The following QPRT variants were observed in gnomAD, a reference collection of about 807,000 sequenced individuals.
The protein encoded by QPRT is quinolinate phosphoribosyltransferase, also known as nicotinate-nucleotide pyrophosphorylase [carboxylating].
Under a neutral mutation model 19.8 loss-of-function variants are expected in QPRT, and 17 were observed. That is an observed-to-expected ratio of 0.86 (90% CI 0.59 to 1.29). The LOEUF (loss-of-function observed/expected upper bound fraction) is 1.29, where lower values mean the gene tolerates loss of function less well. Ranked by LOEUF, QPRT falls within the 50% of genes most tolerant of loss-of-function variation. The pLI, the probability that QPRT is intolerant of heterozygous loss-of-function variation, is 0.00. For synonymous variants in QPRT, 178 were observed against 191.0 expected (o/e 0.93, Z 0.56); for missense variants, 336 against 405.1 (o/e 0.83, Z 1.46).
intron 1 of QPRT, among the ~76,000 whole-genome samples, chr16:29,691,809 G>A (rs2142307214): frequency 6.6e-6 from 1 of 152,310 alleles, no homozygotes; most frequent in Admixed American, 6.5e-5. Context: ...ATCTGGGGCA[G>A]ATGTGGGAGA....
At position 29,697,118 on chromosome 16, in the gene QPRT, C is replaced by T; in HGVS notation, c.672C>T (p.Phe224=). The change falls in exon 3 of 4, where the codon TTC becomes TTT. Residue 224 remains phenylalanine (F), a synonymous_variant. Transcript: ENST00000395384. The surrounding 1 kb of genome is among the most constrained non-coding windows in gnomAD (Gnocchi z 4.4). ...CCGACCTTGTCCTGCTGGACAACTT[C>T]AAGCCAGAGGTAAGGTGGGCTCTGC... ...AGADLVLLDN[F]KPEELHPTAT... 2 of 1,606,550 alleles carry T rather than the reference C, an allele frequency of 1.2e-6. No individual in the cohort carries two copies. Among genetic ancestry groups the T allele is most frequent in the South Asian group, 2.2e-5 (2 of 90,500 alleles).
At chr16:29,689,858 C>T (rs1456547518) in intron 1 of QPRT, among the ~76,000 whole-genome samples, 1 of 151,406 alleles carries the variant, frequency 6.6e-6, no homozygotes, top group Non-Finnish European at 1.5e-5. Context: ...CACGCGGACC[C>T]CCTTAGAGTT....
At chr16:29,683,948 CAT>C (rs1259820529) in intron 1 of QPRT, among the ~76,000 whole-genome samples, 7 of 152,190 alleles carry the variant, frequency 4.6e-5, no homozygotes. Context: ...GCCCCCGACA[CAT>C]GGCACAAAAA....
At chr16:29,685,820 C>T (rs1023161859) in intron 1 of QPRT, among the ~76,000 whole-genome samples, 4 of 151,950 alleles carry the variant, frequency 2.6e-5, no homozygotes, top group South Asian at 2.1e-4. Context: ...GGCAACATAG[C>T]GAGACCCCCC....
chr16:29,693,084 A>C (rs1340577906), intron 1 of QPRT, among the ~76,000 whole-genome samples: 1 of 151,786 alleles, frequency 6.6e-6, no homozygotes, highest in Non-Finnish European at 1.5e-5. Flanking sequence ...AAAAAATTAC[A>C]TCATAGAGAA....
chr16:29,692,248 C>CTTATTTATTTAT (rs113592039), intron 1 of QPRT, among the ~76,000 whole-genome samples: 1 of 151,012 alleles, frequency 6.6e-6, no homozygotes, highest in South Asian at 2.1e-4. Context: ...GTCCACTATC[C>CTTATTTATTTAT]TTATTTATTT....
At chr16:29,680,846 C>T (rs1432379236) in intron 1 of QPRT, among the ~76,000 whole-genome samples, 1 of 152,104 alleles carries the variant, frequency 6.6e-6, no homozygotes, top group Non-Finnish European at 1.5e-5. Flanking sequence ...GAGGCTGAGG[C>T]AGGAGAATTG....
intron 1 of QPRT, among the ~76,000 whole-genome samples, chr16:29,687,893 G>A (rs1179255355): frequency 1.3e-5 from 2 of 151,576 alleles, no homozygotes; most frequent in African/African-American, 4.9e-5. Context: ...GAGGTGAGAG[G>A]ACCACATGAG....
At chr16:29,691,988 A>T (rs1459748116) in intron 1 of QPRT, among the ~76,000 whole-genome samples, 1 of 152,154 alleles carries the variant, frequency 6.6e-6, no homozygotes, top group East Asian at 1.9e-4. Context: ...TCCACTTGGA[A>T]CAGAAGTGTG....
chr16:29,686,531 C>G (rs1363164877), intron 1 of QPRT, among the ~76,000 whole-genome samples: 1 of 152,228 alleles, frequency 6.6e-6, no homozygotes, highest in African/African-American at 2.4e-5. Context: ...CAGTCTTGCT[C>G]TGTCGCCCAG....
intron 1 of QPRT, among the ~76,000 whole-genome samples, chr16:29,684,833 T>C (rs1967115091): frequency 6.6e-6 from 1 of 152,226 alleles, no homozygotes; most frequent in South Asian, 2.1e-4. Context: ...ATTCAGCTTC[T>C]GTTCTTGTGA....
chr16:29,697,178 C>T lies in QPRT; in HGVS notation c.682-21C>T. On this transcript the variant is annotated intron_variant, in intron 3 of 3. Transcript: ENST00000395384. This position sits in a 1 kb window ranked among gnomAD's most constrained non-coding sequence, Gnocchi z 4.4. ...GGGATCTGTGGTGGGCTCTTACCTC[C>T]CCTTGGCTTGTGTCCCGCAGGAGCT... The T allele has an allele frequency of 6.2e-7, 1 of 1,601,110 alleles. No homozygotes were observed.
chr16:29,692,899 A>G (rs1967391894), intron 1 of QPRT, among the ~76,000 whole-genome samples: 1 of 151,978 alleles, frequency 6.6e-6, no homozygotes, highest in Non-Finnish European at 1.5e-5. Context: ...CGTCTATACT[A>G]AAAATACAAA....
At chr16:29,688,765 T>C (rs1967236205) in intron 1 of QPRT, among the ~76,000 whole-genome samples, 1 of 151,228 alleles carries the variant, frequency 6.6e-6, no homozygotes, top group Non-Finnish European at 1.5e-5. Flanking sequence ...GGCTAATTTT[T>C]TGTTTGTTTT....
At chr16:29,680,995 G>A (rs1420097637) in intron 1 of QPRT, among the ~76,000 whole-genome samples, 1 of 151,878 alleles carries the variant, frequency 6.6e-6, no homozygotes, top group African/African-American at 2.4e-5. Flanking sequence ...GGAGGACAGA[G>A]GATGGGAGGC....
chr16:29,680,531 C>T (rs1408370452), intron 1 of QPRT, among the ~76,000 whole-genome samples: 4 of 152,166 alleles, frequency 2.6e-5, no homozygotes, highest in Non-Finnish European at 5.9e-5. Context: ...CAGCACAAAC[C>T]CAGGGGTCCA....
intron 1 of QPRT, among the ~76,000 whole-genome samples, chr16:29,685,794 G>C (rs563249223): frequency 1.8e-4 from 28 of 152,048 alleles, no homozygotes; most frequent in Non-Finnish European, 3.4e-4. Flanking sequence ...GAGCCCAGGA[G>C]TTCAAGACCA....
rs1345198386 is a variant in QPRT, at chr16:29,694,577, G to T, written c.14-87G>T. On this transcript the variant is annotated intron_variant, in intron 1 of 3. Coordinates refer to ENST00000395384, the MANE Select transcript of QPRT (RefSeq NM_014298.6). Reference sequence around the variant, plus strand: ...CTTGAGGCTGATGGGCCAGTTCCCAGTTTCACTGGTTGTTAAATATTTTGA... The same window carrying T: ...CTTGAGGCTGATGGGCCAGTTCCCATTTTCACTGGTTGTTAAATATTTTGA... 6.6e-6 allele frequency: 9 copies of T among 1,364,906 alleles called. No individual in the cohort carries two copies. In the East Asian group the frequency reaches 1.3e-4, roughly 20 times the overall value. The allele number at this position is 1,364,906 out of a possible 1,614,324, so 84.5% of individuals were successfully genotyped here. A position where few individuals can be genotyped will look rare whatever the true frequency, so the allele number is the denominator to read the frequency against.
chr16:29,695,124 C>A lies in QPRT; in HGVS notation c.474C>A (p.Ala158=). ...ATGGGCTCCTGGTGGGCGGGGCCGCCTCGCACCGCTACGACCTGGGAGGGC... is the reference window on the plus strand; with the variant it reads ...ATGGGCTCCTGGTGGGCGGGGCCGCATCGCACCGCTACGACCTGGGAGGGC... ...EKYGLLVGGA[A]SHRYDLGGLV... The change falls in exon 2 of 4, where the codon GCC becomes GCA. Residue 158 remains alanine, a synonymous_variant. Coordinates refer to ENST00000395384, the MANE Select transcript of QPRT (RefSeq NM_014298.6). 6.3e-7 allele frequency: 1 copy of A among 1,590,504 alleles called. No individual in the cohort carries two copies. The highest frequency in any genetic ancestry group is 8.5e-7 in the Non-Finnish European group (1 of 1,169,700).
Sources: allele counts gnomAD v4.1 joint callset (sites outside exome capture counted in the v4.1 genomes callset), GRCh38; gene constraint gnomAD v4.1.1; non-coding constraint Gnocchi (gnomAD v3.1); transcripts MANE v1.5; gene names NCBI Gene and HGNC (gene_info 2026-07-23, HGNC 2026-07-21).